Variants in PPP3CC observed in about 807,000 individuals in gnomAD.
The protein encoded by PPP3CC is serine/threonine-protein phosphatase 2B catalytic subunit gamma isoform.
PPP3CC carries 35 observed loss-of-function variants against 60.3 expected under a neutral mutation model. The observed-to-expected ratio is 0.58, with a 90% CI of 0.44 to 0.77. PPP3CC has a LOEUF of 0.77. PPP3CC is among the 30% of genes least tolerant of loss of function. The pLI, the probability that PPP3CC is intolerant of heterozygous loss-of-function variation, is 0.00. For synonymous variants in PPP3CC, 206 were observed against 224.3 expected, an observed-to-expected ratio of 0.92 and a Z score of 0.73; for missense variants, 570 against 628.9, an observed-to-expected ratio of 0.91 and a Z score of 1.00.
intron 3 of PPP3CC, among the ~76,000 whole-genome samples, chr8:22,475,900 A>AG (rs1837874736): frequency 6.6e-6 from 1 of 152,220 alleles, no homozygotes; most frequent in African/African-American, 2.4e-5. Context: ...GATAGTATAC[A>AG]GGATTGTATA....
chr8:22,445,912 A>G (rs1022870582), intron 1 of PPP3CC, among the ~76,000 whole-genome samples: 5 of 152,190 alleles, frequency 3.3e-5, no homozygotes, highest in African/African-American at 9.7e-5. Context: ...GAAATCTGGA[A>G]CCTCTGAAAG....
chr8:22,468,320 A>G (rs4871999), intron 1 of PPP3CC, among the ~76,000 whole-genome samples: 85,428 of 151,870 alleles, frequency 0.56, 25,364 homozygotes, highest in African/African-American at 0.76. Context: ...GGCCAGGCTG[A>G]TCTCAAACTC....
Position 22,441,358 on chromosome 8 carries a change from C to A in PPP3CC, c.-52C>A. 6.7e-7 allele frequency: 1 copy of A among 1,502,822 alleles called. No individual in the cohort carries two copies. Among genetic ancestry groups the A allele is most frequent in the Non-Finnish European group, 8.9e-7 (1 of 1,126,934 alleles). 93.1% of individuals were successfully genotyped at this position (1,502,822 alleles called of 1,614,324 possible). On this transcript the variant is annotated 5_prime_UTR_variant, in exon 1 of 14. Transcript: ENST00000240139. ...CCCGAGGAGAAGGCGGCGGCCGCGG[C>A]GTAGGCGCACGTCCGGCGGGCTCCT... is the stretch of plus-strand genomic sequence containing the variant.
chr8:22,492,075 A>C (rs2132500867), intron 3 of PPP3CC, among the ~76,000 whole-genome samples: 1 of 152,248 alleles, frequency 6.6e-6, no homozygotes, highest in Non-Finnish European at 1.5e-5. Flanking sequence ...GTACTTACAT[A>C]AACCTAGGTG....
chr8:22,460,326 T>G (rs1396392681), intron 1 of PPP3CC, among the ~76,000 whole-genome samples: 2 of 152,110 alleles, frequency 1.3e-5, no homozygotes, highest in Non-Finnish European at 2.9e-5. Context: ...TTTTTGTAAA[T>G]TCTGTGCTTG....
At chr8:22,516,165 C>G (rs563026425) in intron 6 of PPP3CC, among the ~76,000 whole-genome samples, 14 of 152,158 alleles carry the variant, frequency 9.2e-5, no homozygotes, top group African/African-American at 3.1e-4. Flanking sequence ...GTCTTGAAGT[C>G]CTAGACTCAA....
At chr8:22,531,952 C>A (rs1410614967) in intron 10 of PPP3CC, among the ~76,000 whole-genome samples, 1 of 152,216 alleles carries the variant, frequency 6.6e-6, no homozygotes, top group East Asian at 1.9e-4. Context: ...CTACGTTTCA[C>A]AACCACAAAT....
At chr8:22,530,786 C>T (rs967188956) in intron 10 of PPP3CC, among the ~76,000 whole-genome samples, 3 of 124,332 alleles carry the variant, frequency 2.4e-5, no homozygotes, top group African/African-American at 6.2e-5. Flanking sequence ...GAGCCAAGAT[C>T]GCACTACTGC....
At chr8:22,507,659 A>G (rs1289992213) in intron 4 of PPP3CC, among the ~76,000 whole-genome samples, 2 of 152,226 alleles carry the variant, frequency 1.3e-5, no homozygotes, top group African/African-American at 4.8e-5. Flanking sequence ...TTAACACAGT[A>G]TGTACTAAGT....
intron 5 of PPP3CC, 37 bp downstream of exon 5, chr8:22,511,268 T>G (rs1839078829): frequency 8.8e-6 from 14 of 1,584,432 alleles, no homozygotes; most frequent in Admixed American, 1.7e-5. Flanking sequence ...GGGAATATTT[T>G]TAAAATGTGT....
rs1329219619 is a variant in PPP3CC at position 22,475,005 on chromosome 8, A to G, written c.101A>G (p.Asn34Ser). Residue 34 changes from asparagine (N) to serine (S), a missense_variant, in exon 2 of 14, where the codon AAT (asparagine) becomes AGT (serine). Coordinates refer to ENST00000240139, the MANE Select transcript of PPP3CC (RefSeq NM_005605.5). ...QRLTFKEVFE[N>S]GKPKVDVLKN... is the part of the protein sequence containing the mutation. Reference sequence around the variant, plus strand: ...CTTACTTTCAAGGAAGTATTTGAGAATGGGAAACCTAAAGTTGATGTTTTA... The same window carrying G: ...CTTACTTTCAAGGAAGTATTTGAGAGTGGGAAACCTAAAGTTGATGTTTTA... 1.9e-6 allele frequency: 3 copies of G among 1,611,532 alleles called. No homozygotes were observed. Among genetic ancestry groups the G allele is most frequent in the Non-Finnish European group, 1.7e-6 (2 of 1,178,426 alleles).
intron 1 of PPP3CC, among the ~76,000 whole-genome samples, chr8:22,459,797 T>G (rs1837314593): frequency 1.3e-5 from 2 of 152,178 alleles, no homozygotes; most frequent in Non-Finnish European, 2.9e-5. Flanking sequence ...GGTGAAGTTT[T>G]TATAAATTTC....
chr8:22,514,673 T>G (rs1839191727), intron 6 of PPP3CC, among the ~76,000 whole-genome samples: 3 of 141,624 alleles, frequency 2.1e-5, no homozygotes, highest in Admixed American at 2.1e-4. Flanking sequence ...TTTTTGTTGT[T>G]TTTTTTTTCA....
chr8:22,540,730 A>G lies in PPP3CC; in HGVS notation c.1467A>G (p.Pro489=), dbSNP rs778272331. Residue 489 remains proline, a synonymous_variant, in exon 14 of 14, where the codon CCA becomes CCG. Transcript: ENST00000240139. ...AGGATAGCATACACGCTGGTGGGCC[A>G]ATGAAATCTGTAACCTCAGCACACT... ...PRKDSIHAGG[P]MKSVTSAHSH... The G allele has an allele frequency of 5.0e-6, 8 of 1,614,024 alleles. No individual in the cohort carries two copies. In the Admixed American group the frequency reaches 1.0e-4, roughly 20 times the overall value.
chr8:22,469,568 A>G (rs1343206786), intron 1 of PPP3CC, among the ~76,000 whole-genome samples: 1 of 152,066 alleles, frequency 6.6e-6, no homozygotes, highest in Non-Finnish European at 1.5e-5. Context: ...AAAGAGGGAA[A>G]AAAAAAAGCT....
chr8:22,507,729 G>A lies in PPP3CC; in HGVS notation c.485-3357G>A, dbSNP rs548862325. On this transcript the variant is annotated intron_variant, in intron 4 of 13. Transcript: ENST00000240139. The stretch of plus-strand genomic sequence containing the variant: ...TTCATTTAATCCTCACAGCAACCCT[G>A]AATCTACTGTTTAGGGTGTTATTAT... Among the ~76,000 whole-genome samples the A allele has an allele frequency of 2.9e-4, 44 of 152,270 alleles. No individual in the cohort carries two copies. The South Asian group carries it at 8.9e-3, about 31-fold the overall frequency.
intron 13 of PPP3CC, among the ~76,000 whole-genome samples, chr8:22,540,340 T>C (rs1418657170): frequency 6.6e-6 from 1 of 152,174 alleles, no homozygotes; most frequent in East Asian, 1.9e-4. Flanking sequence ...CTTGTTAGCT[T>C]TTTGTTAGGT....
At chr8:22,473,997 C>T (rs186350683) in intron 1 of PPP3CC, among the ~76,000 whole-genome samples, 187 of 152,176 alleles carry the variant, frequency 1.2e-3, no homozygotes, top group African/African-American at 4.3e-3. Flanking sequence ...CACGTTCAAG[C>T]GATTCTTCTG....
At chr8:22,444,411 T>A (rs1307238955) in intron 1 of PPP3CC, among the ~76,000 whole-genome samples, 1 of 152,234 alleles carries the variant, frequency 6.6e-6, no homozygotes, top group African/African-American at 2.4e-5. Flanking sequence ...GATCGCTTAC[T>A]ACAGAAGTAG....
Sources: gnomAD v4.1 joint callset for allele counts (sites outside exome capture counted in the v4.1 genomes callset) on GRCh38, gnomAD v4.1.1 for gene constraint, MANE v1.5 for transcripts, NCBI Gene and HGNC (gene_info 2026-07-23, HGNC 2026-07-21) for gene names.